Variants in OCM observed in about 807,000 individuals in gnomAD.
OCM encodes the protein oncomodulin, also known as oncomodulin-1.
In OCM, 18 loss-of-function variants were observed where a neutral mutation model predicts 14.1. The observed-to-expected ratio is 1.28, with a 90% confidence interval of 0.88 to 1.89. The LOEUF (loss-of-function observed/expected upper bound fraction) is 1.89, where lower values mean the gene tolerates loss of function less well. Among genes scored for constraint, OCM ranks in the 40% most tolerant of loss-of-function variants. The probability of loss-of-function intolerance (pLI) is 0.00; values close to 1 mark genes in which losing one functional copy is unlikely to be tolerated. For missense variants in OCM, 140 were observed against 137.6 expected (o/e 1.02, Z -0.09); for synonymous variants, 48 against 51.0 (o/e 0.94, Z 0.25).
chr7:5,882,507 G>T lies in OCM; in HGVS notation c.76G>T (p.Glu26Ter). 6.2e-7 allele frequency: 1 copy of T among 1,614,070 alleles called. No homozygotes were observed. The highest frequency in any genetic ancestry group is 8.5e-7 in the Non-Finnish European group (1 of 1,179,988). Residue 26 changes from glutamate (E) to a stop codon, truncating the protein, a stop_gained, in exon 2 of 4, where the codon GAA becomes TAA. Coordinates refer to ENST00000242104, the MANE Select transcript of OCM (RefSeq NM_001097622.2). LOFTEE classifies it high-confidence loss of function. Reference sequence around the variant, plus strand: ...CTGTTCTTCAGACCCAGACACTTTTGAACCCCAAAAATTCTTCCAGACATC... The same window carrying T: ...CTGTTCTTCAGACCCAGACACTTTTTAACCCCAAAAATTCTTCCAGACATC... ...LQECRDPDTFEPQKFFQTSGL... is the reference protein window; with the variant it reads ...LQECRDPDTF
At position 5,880,907 on chromosome 7, in the gene OCM, G is replaced by A. The variant is rs1247411011; in HGVS notation, c.18G>A (p.Val6=). The A allele has an allele frequency of 1.1e-5, 18 of 1,614,046 alleles. No homozygotes were observed. Among genetic ancestry groups the A allele is most frequent in the Admixed American group, 1.7e-5 (1 of 60,000 alleles). Residue 6 remains valine (V), a synonymous_variant, in exon 1 of 4, where the codon GTG becomes GTA. Transcript: ENST00000242104. The part of the protein sequence containing the change: MSITD[V]LSADDIAAAL... ...GGTAGAAAATGAGCATCACGGACGT[G>A]CTCAGTGCTGACGACATTGCAGCAG...
At chr7:5,882,085 CAAAAAAAAAAAAAAAAA>C (rs60321561) in intron 1 of OCM, among the ~76,000 whole-genome samples, 1 of 45,962 alleles carries the variant, frequency 2.2e-5, no homozygotes, top group African/African-American at 9.4e-5. Context: ...GACTCTGTCT[CAAAAAAAAAAAAAAAAA>C]AAAAAAAAAA....
chr7:5,869,429 C>T, the OCM span, among the ~76,000 whole-genome samples: 1 of 151,924 alleles, frequency 6.6e-6, no homozygotes, highest in Non-Finnish European at 1.5e-5. Flanking sequence ...GAAACCCTGT[C>T]TCTACTGAAA....
chr7:5,884,108 C>G, intron 3 of OCM, 109 bp downstream of exon 3: 1 of 1,095,784 alleles, frequency 9.1e-7, no homozygotes, highest in South Asian at 1.7e-5. Context: ...CTTTCTTAAA[C>G]TTACCGAGCC....
At chr7:5,862,023 C>G in the OCM span, among the ~76,000 whole-genome samples, 1 of 152,294 alleles carries the variant, frequency 6.6e-6, no homozygotes, top group South Asian at 2.1e-4. Context: ...CGTCAGCCTC[C>G]TGAGTGGGTG....
chr7:5,880,185 C>T (rs1781181328), upstream of OCM, among the ~76,000 whole-genome samples: 1 of 152,324 alleles, frequency 6.6e-6, no homozygotes, highest in Non-Finnish European at 1.5e-5. Context: ...TCCTTTCCCA[C>T]GTGGAATTTG....
chr7:5,885,817 G>T (rs1483452070), intron 3 of OCM, among the ~76,000 whole-genome samples: 10 of 152,004 alleles, frequency 6.6e-5, no homozygotes. Context: ...CACCATTTTG[G>T]CCAGGATGGT....
chr7:5,869,909 A>G, the OCM span, among the ~76,000 whole-genome samples: 23 of 152,178 alleles, frequency 1.5e-4, no homozygotes, highest in South Asian at 3.7e-3. Flanking sequence ...ACAGAGGCCC[A>G]CGCGCCACGT....
At chr7:5,877,819 C>CAA (rs535302724), upstream of OCM, among the ~76,000 whole-genome samples, 417 of 55,242 alleles carry the variant, frequency 7.5e-3, 7 homozygotes, top group Admixed American at 9.6e-3. Context: ...GACTCCATCT[C>CAA]AAAAAAAAAA....
the OCM span, chr7:5,872,012 G>A: frequency 6.6e-6 from 1 of 152,242 alleles, no homozygotes; most frequent in African/African-American, 2.4e-5. Context: ...TCGGCCTCCC[G>A]AGTAGCTGGA....
the OCM span, among the ~76,000 whole-genome samples, chr7:5,863,335 G>C: frequency 6.6e-6 from 1 of 152,016 alleles, no homozygotes. Flanking sequence ...ATCAACCTCA[G>C]TCAATGGGGA....
the OCM span, among the ~76,000 whole-genome samples, chr7:5,866,276 T>C: frequency 1.3e-5 from 2 of 148,396 alleles, no homozygotes; most frequent in Non-Finnish European, 3.0e-5. Flanking sequence ...CACTGAGCTA[T>C]GAGTGTGCCA....
the OCM span, among the ~76,000 whole-genome samples, chr7:5,866,493 G>A: frequency 1.3e-5 from 2 of 151,520 alleles, no homozygotes; most frequent in African/African-American, 4.9e-5. Flanking sequence ...AGGAAGTTAG[G>A]AAAGGAGGGA....
chr7:5,874,432 C>T, the OCM span, among the ~76,000 whole-genome samples: 2 of 151,870 alleles, frequency 1.3e-5, no homozygotes, highest in African/African-American at 2.4e-5. Context: ...TATGCATATG[C>T]AACATATGTC....
chr7:5,886,063 G>C lies in OCM; in HGVS notation c.305-1G>C. ...CCCTGTTCTCACCTCTTCTGTTCTA[G>C]AATTCCAGGAAATGGTGCATTCTTA... On this transcript the variant is annotated splice_acceptor_variant, in intron 3 of 3. Coordinates refer to ENST00000242104, the MANE Select transcript of OCM (RefSeq NM_001097622.2). LOFTEE classifies it high-confidence loss of function. 1 of 1,614,076 alleles carries C rather than the reference G, an allele frequency of 6.2e-7. No homozygotes were observed. Among genetic ancestry groups the C allele is most frequent in the Non-Finnish European group, 8.5e-7 (1 of 1,180,002 alleles).
At chr7:5,873,582 C>T in the OCM span, among the ~76,000 whole-genome samples, 1 of 151,974 alleles carries the variant, frequency 6.6e-6, no homozygotes, top group Non-Finnish European at 1.5e-5. Context: ...TGGGCTCAAG[C>T]AATGCTCCTG....
the OCM span, among the ~76,000 whole-genome samples, chr7:5,860,376 A>G: frequency 6.8e-6 from 1 of 147,760 alleles, no homozygotes; most frequent in Non-Finnish European, 1.5e-5. Flanking sequence ...ATATATATAT[A>G]TATATCATTA....
At chr7:5,881,192 G>A (rs13309794) in intron 1 of OCM, among the ~76,000 whole-genome samples, 2 of 151,756 alleles carry the variant, frequency 1.3e-5, no homozygotes, top group Non-Finnish European at 2.9e-5. Context: ...GGTGGTGGGT[G>A]CCTGTAATCC....
At chr7:5,860,334 C>G in the OCM span, among the ~76,000 whole-genome samples, 53 of 148,846 alleles carry the variant, frequency 3.6e-4, no homozygotes, top group African/African-American at 1.2e-3. Context: ...GTTTGGGGCT[C>G]TCCGTATGTG....
Sources: allele counts gnomAD v4.1 joint callset (sites outside exome capture counted in the v4.1 genomes callset), GRCh38; gene constraint gnomAD v4.1.1; transcripts MANE v1.5; gene names NCBI Gene and HGNC (gene_info 2026-07-23, HGNC 2026-07-21).